The following COQ8A variants were observed in gnomAD, a reference collection of about 807,000 sequenced individuals.
COQ8A encodes atypical kinase COQ8A, mitochondrial.
A neutral mutation model predicts 65.0 loss-of-function variants in COQ8A; 51 were observed. The ratio of observed to expected loss-of-function variants is 0.78; its 90% CI spans 0.63 to 0.99. The LOEUF is 0.99. COQ8A is among the 50% of genes least tolerant of loss of function. The pLI is 0.00. For missense variants in COQ8A, 940 were observed against 875.0 expected, an observed-to-expected ratio of 1.07 and a Z score of -0.94; for synonymous variants, 371 against 353.2, an observed-to-expected ratio of 1.05 and a Z score of -0.57.
rs367800474 is a variant in COQ8A, at chr1:226,953,957, A to G, written c.-9-7420A>G. Among the ~76,000 whole-genome samples the G allele has an allele frequency of 9.2e-5, 14 of 152,318 alleles. No homozygotes were observed. The East Asian group carries it at 1.3e-3, about 15-fold the overall frequency. ...AACAGTCAATTGTTTTCTTTTTCTA[A>G]GAGTAAAAAAGGAAAAATTTCAAGG... is the stretch of plus-strand genomic sequence containing the variant. On this transcript the variant is annotated intron_variant, in intron 1 of 14. Transcript: ENST00000366777.
intron 10 of COQ8A, 83 bp from the exon 11 acceptor site, chr1:226,983,987 CCTGCCTGGGGTGAAGGAGGGCCCT>C: frequency 6.4e-7 from 1 of 1,567,548 alleles, no homozygotes; most frequent in Non-Finnish European, 8.7e-7. Flanking sequence ...GAGGCCATAT[CCTGCCTGGGGTGAAGGAGGGCCCT>C]CTGCCTGGTT....
At chr1:226,976,640 T>G (rs1659253804) in intron 4 of COQ8A, among the ~76,000 whole-genome samples, 1 of 152,144 alleles carries the variant, frequency 6.6e-6, no homozygotes, top group South Asian at 2.1e-4. Context: ...CTGGGTGAGG[T>G]GTGGCATTAG....
rs1241820080 is a variant in COQ8A at position 226,946,132 on chromosome 1, G to C, written c.-10+5733G>C. 6.6e-6 allele frequency among the ~76,000 whole-genome samples: 1 copy of C among 152,270 alleles called. No homozygotes were observed. Among genetic ancestry groups the C allele is most frequent in the East Asian group, 1.9e-4 (1 of 5,174 alleles). ...ATGAGGACAGTGCCAGACCCCGTTGGGGGTACAGAACTGGGAAAGAGAGGG... is the reference window on the plus strand; with the variant it reads ...ATGAGGACAGTGCCAGACCCCGTTGCGGGTACAGAACTGGGAAAGAGAGGG... On this transcript the variant is annotated intron_variant, in intron 1 of 14. Coordinates refer to ENST00000366777, the MANE Select transcript of COQ8A (RefSeq NM_020247.5). The surrounding 1 kb of genome is among the most constrained non-coding windows in gnomAD (Gnocchi z 5.3).
At chr1:226,962,049 G>A (rs909027482) in intron 2 of COQ8A, among the ~76,000 whole-genome samples, 2 of 152,204 alleles carry the variant, frequency 1.3e-5, no homozygotes, top group African/African-American at 4.8e-5. Context: ...CTAGGTTTCA[G>A]TGTGTGCACT....
rs61995958 is a variant in COQ8A at position 226,986,598 on chromosome 1, C to G, written c.1805C>G (p.Pro602Arg). 22 of 1,613,924 alleles carry G rather than the reference C, an allele frequency of 1.4e-5. No homozygotes were observed. The highest frequency in any genetic ancestry group is 5.0e-5 in the Admixed American group (3 of 60,004). Residue 602 changes from proline to arginine, a missense_variant, in exon 15 of 15, where the codon CCA becomes CGA. Pro to Arg is a moderately radical substitution (Grantham distance 103). Coordinates refer to ENST00000366777, the MANE Select transcript of COQ8A (RefSeq NM_020247.5). ...PVMLRHRLVP[P>R]PEETYSLHRK... The stretch of plus-strand genomic sequence containing the variant: ...ATGCTGAGGCACCGTCTCGTCCCCC[C>G]ACCCGAGGAAACCTACTCCCTGCAC...
intron 1 of COQ8A, among the ~76,000 whole-genome samples, chr1:226,948,999 T>A (rs572988731): frequency 6.6e-6 from 1 of 152,004 alleles, no homozygotes; most frequent in African/African-American, 2.4e-5. Flanking sequence ...AGGAAACAGG[T>A]CAGAGATGGT....
At chr1:226,947,604 C>T (rs1335470537) in intron 1 of COQ8A, among the ~76,000 whole-genome samples, 1 of 152,038 alleles carries the variant, frequency 6.6e-6, no homozygotes, top group African/African-American at 2.4e-5. Flanking sequence ...GTCGGGGGTT[C>T]GAGACCAGCC....
At chr1:226,976,860 C>T (rs1001665772) in intron 4 of COQ8A, among the ~76,000 whole-genome samples, 1 of 152,146 alleles carries the variant, frequency 6.6e-6, no homozygotes, top group Admixed American at 6.5e-5. Context: ...GCGAGAGGGC[C>T]TTCCATTACC....
In COQ8A at chr1:226,982,670, C is replaced by A; in HGVS notation, c.854-8C>A. ...AGGTTCGCCCTGTGTCATTCTCCTG[C>A]CTTCCAGATGATGCCTTTATCAACC... is the stretch of plus-strand genomic sequence containing the variant. On this transcript the variant is annotated splice_polypyrimidine_tract_variant and splice_region_variant and intron_variant, in intron 6 of 14. Transcript: ENST00000366777. 1 of 1,612,882 alleles carries A rather than the reference C, an allele frequency of 6.2e-7. No individual in the cohort carries two copies. The highest frequency in any genetic ancestry group is 1.1e-5 in the South Asian group (1 of 91,034).
At chr1:226,977,354 G>C (rs1409033101) in intron 4 of COQ8A, 95 bp from the exon 5 acceptor site, 2 of 1,199,864 alleles carry the variant, frequency 1.7e-6, no homozygotes, top group Admixed American at 4.1e-5. Context: ...GGTGCAAGCG[G>C]TGTCTGTGTG....
At position 226,987,074 on chromosome 1, in the gene COQ8A, T is replaced by A; in HGVS notation, c.*337T>A. ...GGAGAGAGTCCTTACTCCCTTCCAATCTCTGTTCAGTGCAAAACCCAGAAA... is the reference window on the plus strand; with the variant it reads ...GGAGAGAGTCCTTACTCCCTTCCAAACTCTGTTCAGTGCAAAACCCAGAAA... On this transcript the variant is annotated 3_prime_UTR_variant, in exon 15 of 15. Coordinates refer to ENST00000366777, the MANE Select transcript of COQ8A (RefSeq NM_020247.5). The A allele has an allele frequency of 2.6e-6, 1 of 383,494 alleles. No homozygotes were observed. Among genetic ancestry groups the A allele is most frequent in the South Asian group, 2.4e-5 (1 of 41,086 alleles). The allele number at this position is 383,494 out of a possible 1,614,324, so 23.8% of individuals were successfully genotyped here.
At chr1:226,941,174 G>T (rs1294065674) in intron 1 of COQ8A, among the ~76,000 whole-genome samples, 1 of 152,218 alleles carries the variant, frequency 6.6e-6, no homozygotes, top group East Asian at 1.9e-4. Context: ...GAGATGTCAG[G>T]TTCCTGAAGG....
At chr1:226,985,223 GC>G in intron 13 of COQ8A, 30 bp from the exon 14 acceptor site, 1 of 1,608,696 alleles carries the variant, frequency 6.2e-7, no homozygotes, top group Non-Finnish European at 8.5e-7. Context: ...TTTTCATGCT[GC>G]CCACGGTCCC....
rs1165462325 is a variant in COQ8A, at chr1:226,984,537, G to T, written c.1399-11G>T. Reference sequence around the variant, plus strand: ...GTGCTGCCTGACACAGACCCTTCGCGCTGTCCACAGATCTGCTACAACATC... The same window carrying T: ...GTGCTGCCTGACACAGACCCTTCGCTCTGTCCACAGATCTGCTACAACATC... On this transcript the variant is annotated splice_polypyrimidine_tract_variant and intron_variant, in intron 11 of 14. Coordinates refer to ENST00000366777, the MANE Select transcript of COQ8A (RefSeq NM_020247.5). 6.2e-7 allele frequency: 1 copy of T among 1,606,112 alleles called. No homozygotes were observed. Among genetic ancestry groups the T allele is most frequent in the South Asian group, 1.1e-5 (1 of 90,998 alleles).
intron 1 of COQ8A, among the ~76,000 whole-genome samples, chr1:226,947,800 AAT>A (rs5781451): frequency 0.21 from 12,527 of 60,450 alleles, 828 homozygotes; most frequent in East Asian, 0.43. Context: ...GTCTCAAAAA[AAT>A]ATATATATAT....
intron 4 of COQ8A, among the ~76,000 whole-genome samples, chr1:226,966,637 A>C (rs535312415): frequency 1.3e-5 from 2 of 152,314 alleles, no homozygotes; most frequent in South Asian, 2.1e-4. Flanking sequence ...TGAGTGGTCC[A>C]TGATGGTGCT....
intron 5 of COQ8A, among the ~76,000 whole-genome samples, chr1:226,980,283 C>G (rs1173863960): frequency 6.6e-6 from 1 of 152,254 alleles, no homozygotes; most frequent in Admixed American, 6.5e-5. Flanking sequence ...GGGTGGGGGA[C>G]ATACCTCCAG....
chr1:226,978,844 A>G (rs1316286788), intron 5 of COQ8A, among the ~76,000 whole-genome samples: 1 of 91,064 alleles, frequency 1.1e-5, no homozygotes, highest in South Asian at 4.7e-4. Context: ...TTACACACCC[A>G]CCTCATACCT....
chr1:226,970,563 A>AC (rs780383162), intron 4 of COQ8A, among the ~76,000 whole-genome samples: 14 of 152,214 alleles, frequency 9.2e-5, no homozygotes, highest in Non-Finnish European at 1.5e-4. Flanking sequence ...ATGATGCGTG[A>AC]CCGTGCATGT....
Sources: gnomAD v4.1 joint callset for allele counts (sites outside exome capture counted in the v4.1 genomes callset) on GRCh38, gnomAD v4.1.1 for gene constraint, Gnocchi (gnomAD v3.1) non-coding constraint, MANE v1.5 for transcripts, NCBI Gene and HGNC (gene_info 2026-07-23, HGNC 2026-07-21) for gene names.